LRRC56: variants seen among roughly 807,000 people sequenced by gnomAD.
LRRC56 encodes leucine-rich repeat-containing protein 56.
Under a neutral mutation model 47.8 loss-of-function variants are expected in LRRC56, and 41 were observed. The observed-to-expected ratio is 0.86, with a 90% CI of 0.67 to 1.11. LRRC56 has a LOEUF of 1.11. Ranked by LOEUF, LRRC56 falls within the 50% of genes most tolerant of loss-of-function variation. LRRC56 has a pLI of 0.00. For synonymous variants in LRRC56, 387 were observed against 311.2 expected (o/e 1.24, Z -2.56); for missense variants, 759 against 704.2 (o/e 1.08, Z -0.88).
In LRRC56 at chr11:554,179, G is replaced by C. The variant is rs367633088; in HGVS notation, c.1532G>C (p.Arg511Pro). The change falls in exon 14 of 14, where the codon CGA becomes CCA. Residue 511 changes from arginine to proline, a missense_variant. Physicochemically the swap from Arg to Pro is moderately radical, Grantham distance 103. Transcript: ENST00000270115. ...ALEVASRLSP[R>P]AQGCPGPKPA... ...GAGGTGGCCTCACGCCTGAGCCCTC[G>C]AGCCCAGGGATGTCCTGGCCCAAAG... 14 of 1,572,856 alleles carry C rather than the reference G, an allele frequency of 8.9e-6. No homozygotes were observed. The highest frequency in any genetic ancestry group is 4.5e-5 in the East Asian group (2 of 44,168).
At chr11:511,857 C>T in the LRRC56 span, among the ~76,000 whole-genome samples, 1 of 152,192 alleles carries the variant, frequency 6.6e-6, no homozygotes, top group African/African-American at 2.4e-5. Flanking sequence ...AGCCACCCCC[C>T]ACACACACAG....
At chr11:548,367 A>G (rs1043289588) in intron 6 of LRRC56, among the ~76,000 whole-genome samples, 1 of 152,056 alleles carries the variant, frequency 6.6e-6, no homozygotes, top group Non-Finnish European at 1.5e-5. Flanking sequence ...AATAGCCTCG[A>G]CCTCCTGGGC....
At chr11:529,937 A>G in the LRRC56 span, among the ~76,000 whole-genome samples, 3 of 152,144 alleles carry the variant, frequency 2.0e-5, no homozygotes, top group African/African-American at 7.2e-5. Flanking sequence ...GCCTAGCGGC[A>G]TGAGGGGGCT....
chr11:548,624 A>T (rs1271293988), intron 6 of LRRC56, among the ~76,000 whole-genome samples: 1 of 151,570 alleles, frequency 6.6e-6, no homozygotes, highest in Non-Finnish European at 1.5e-5. Context: ...CGCCTGGCTA[A>T]TTTTTTTGTA....
the LRRC56 span, among the ~76,000 whole-genome samples, chr11:513,433 A>G: frequency 4.9e-4 from 73 of 149,604 alleles, no homozygotes; most frequent in African/African-American, 1.7e-3. Flanking sequence ...TGCTGGGATT[A>G]CAGGTGTGAG....
At chr11:543,602 C>T (rs750921240) in intron 5 of LRRC56, among the ~76,000 whole-genome samples, 19 of 152,196 alleles carry the variant, frequency 1.2e-4, no homozygotes, top group Admixed American at 3.3e-4. Context: ...GTGAACCAGG[C>T]CCATCTTGAT....
the LRRC56 span, among the ~76,000 whole-genome samples, chr11:513,367 G>A: frequency 1.2e-3 from 188 of 152,220 alleles, 1 homozygote; most frequent in Admixed American, 1.0e-3. Flanking sequence ...GGCGAGGCTG[G>A]TCCCGAACTC....
At chr11:507,690 C>A in the LRRC56 span, among the ~76,000 whole-genome samples, 28 of 152,358 alleles carry the variant, frequency 1.8e-4, no homozygotes, top group Middle Eastern at 3.4e-3. Context: ...CCGGGAGAAA[C>A]CCCCCTGGGG....
the LRRC56 span, among the ~76,000 whole-genome samples, chr11:510,414 C>A: frequency 6.6e-6 from 1 of 151,856 alleles, no homozygotes. Flanking sequence ...CTAGCCTGGC[C>A]AACATGGTGA....
the LRRC56 span, among the ~76,000 whole-genome samples, chr11:525,109 A>AG: frequency 6.0e-5 from 9 of 149,332 alleles, no homozygotes; most frequent in African/African-American, 2.0e-4. Context: ...AAAAAAAAAA[A>AG]TAGACAACTT....
chr11:514,546 G>A, the LRRC56 span, among the ~76,000 whole-genome samples: 1 of 152,056 alleles, frequency 6.6e-6, no homozygotes, highest in Non-Finnish European at 1.5e-5. Flanking sequence ...CTCCCAAAGT[G>A]CTGGGATTAC....
upstream of LRRC56, chr11:533,886 T>G: frequency 6.2e-7 from 1 of 1,613,242 alleles, no homozygotes; most frequent in Non-Finnish European, 8.5e-7. Context: ...GCCGGCGGTA[T>G]CCAGGATGTC....
chr11:509,714 ATTTTTTTTT>A, the LRRC56 span, among the ~76,000 whole-genome samples: 1 of 125,208 alleles, frequency 8.0e-6, no homozygotes, highest in Non-Finnish European at 1.7e-5. Context: ...CGCCCGGCTA[ATTTTTTTTT>A]TTTTTTTTTT....
the LRRC56 span, among the ~76,000 whole-genome samples, chr11:519,201 C>G: frequency 5.5e-4 from 84 of 152,358 alleles, no homozygotes; most frequent in African/African-American, 1.8e-3. Context: ...CTGAGCCGCG[C>G]GCATTCCTTA....
chr11:534,162 G>C (rs375249516), upstream of LRRC56: 381 of 1,448,250 alleles, frequency 2.6e-4, no homozygotes, highest in Non-Finnish European at 3.6e-4. Context: ...GCTGTGTCCT[G>C]GGCTCGCCCG....
the LRRC56 span, among the ~76,000 whole-genome samples, chr11:519,280 A>G: frequency 1.4e-5 from 2 of 140,856 alleles, no homozygotes; most frequent in Non-Finnish European, 3.1e-5. Flanking sequence ...ACGCGGGCTG[A>G]TACACAGGTG....
chr11:551,545 C>A, intron 9 of LRRC56, 106 bp from the exon 10 acceptor site: 1 of 1,237,284 alleles, frequency 8.1e-7, no homozygotes, highest in Non-Finnish European at 1.1e-6. Context: ...GAGAGGCCAG[C>A]CTCAGGCCAT....
upstream of LRRC56, chr11:534,044 C>G: frequency 1.5e-6 from 2 of 1,368,066 alleles, no homozygotes; most frequent in Non-Finnish European, 2.1e-6. Flanking sequence ...CTCATGCCCC[C>G]TCCTCTCCTG....
upstream of LRRC56, among the ~76,000 whole-genome samples, chr11:536,473 T>C (rs1239307920): frequency 1.3e-5 from 2 of 152,198 alleles, no homozygotes; most frequent in African/African-American, 2.4e-5. Flanking sequence ...TACATCCTCA[T>C]TAAAAAACAA....
Sources: gnomAD v4.1 joint callset for allele counts (sites outside exome capture counted in the v4.1 genomes callset) on GRCh38, gnomAD v4.1.1 for gene constraint, MANE v1.5 for transcripts, NCBI Gene and HGNC (gene_info 2026-07-23, HGNC 2026-07-21) for gene names.